Variants in DOCK2 observed in about 807,000 individuals in gnomAD.
DOCK2 encodes dedicator of cytokinesis protein 2.
Under a neutral mutation model 248.9 loss-of-function variants are expected in DOCK2, and 87 were observed. The ratio of observed to expected loss-of-function variants is 0.35; its 90% CI spans 0.29 to 0.42. DOCK2 has a LOEUF of 0.42. DOCK2 is among the 10% of genes least tolerant of loss of function. DOCK2 has a pLI of 1.00. For synonymous variants in DOCK2, 805 were observed against 821.6 expected (o/e 0.98, Z 0.35); for missense variants, 1,747 against 2,300.2 (o/e 0.76, Z 4.92).
intron 26 of DOCK2, among the ~76,000 whole-genome samples, chr5:169,827,928 G>A (rs929952785): frequency 6.6e-6 from 1 of 152,128 alleles, no homozygotes; most frequent in Non-Finnish European, 1.5e-5. Flanking sequence ...CTCTGTTGGC[G>A]GGGGTGGGTG....
In DOCK2 at chr5:170,082,952, G is replaced by T; in HGVS notation, c.*94G>T. On this transcript the variant is annotated 3_prime_UTR_variant, in exon 52 of 52. Coordinates refer to ENST00000520908, the MANE Select transcript of DOCK2 (RefSeq NM_004946.3). ...GGAACATCGAAGCCTCAGAGAGTGG[G>T]AGACTGTCCCCATCAGTTGTCCTTA... The T allele has an allele frequency of 6.6e-7, 1 of 1,517,916 alleles. No individual in the cohort carries two copies. The highest frequency in any genetic ancestry group is 9.1e-7 in the Non-Finnish European group (1 of 1,100,478). 94.0% of individuals were successfully genotyped at this position (1,517,916 alleles called of 1,614,324 possible).
intron 25 of DOCK2, among the ~76,000 whole-genome samples, chr5:169,792,767 C>A (rs1339282084): frequency 1.3e-5 from 2 of 152,186 alleles, no homozygotes; most frequent in Non-Finnish European, 2.9e-5. Context: ...TGTGGCACTG[C>A]AAATGTAATC....
At chr5:169,912,413 G>A (rs529610720) in intron 27 of DOCK2, among the ~76,000 whole-genome samples, 5 of 152,078 alleles carry the variant, frequency 3.3e-5, no homozygotes, top group African/African-American at 1.2e-4. Context: ...CTCTACTTGC[G>A]AAGGGTCTTT....
intron 27 of DOCK2, among the ~76,000 whole-genome samples, chr5:169,859,256 T>C (rs1187018198): frequency 6.6e-6 from 1 of 152,078 alleles, no homozygotes; most frequent in Admixed American, 6.6e-5. Flanking sequence ...CAGAGAGAAA[T>C]TAGACATTTG....
chr5:169,850,262 A>T (rs1484599248), intron 27 of DOCK2, among the ~76,000 whole-genome samples: 1 of 152,218 alleles, frequency 6.6e-6, no homozygotes. Context: ...GGAAATGGCC[A>T]TTAGAGAGCT....
At chr5:169,925,866 G>T (rs1379073211) in intron 27 of DOCK2, among the ~76,000 whole-genome samples, 1 of 152,088 alleles carries the variant, frequency 6.6e-6, no homozygotes, top group African/African-American at 2.4e-5. Flanking sequence ...TGGTTCCCTG[G>T]GGAGAAGATG....
At chr5:169,670,070 A>G (rs1399310771) in intron 3 of DOCK2, among the ~76,000 whole-genome samples, 1 of 152,204 alleles carries the variant, frequency 6.6e-6, no homozygotes, top group Non-Finnish European at 1.5e-5. Flanking sequence ...TGCACCTAGG[A>G]ACATTGTTGC....
intron 27 of DOCK2, among the ~76,000 whole-genome samples, chr5:169,956,864 A>T (rs111927234): frequency 3.3e-5 from 5 of 152,302 alleles, no homozygotes; most frequent in African/African-American, 1.2e-4. Context: ...TGCATCAAAT[A>T]TAAGGAAAAT....
chr5:169,637,392 G>T (rs1303241062), intron 1 of DOCK2, 23 bp downstream of exon 1: 8 of 1,373,528 alleles, frequency 5.8e-6, no homozygotes, highest in Non-Finnish European at 7.5e-6. Flanking sequence ...CCCAGGGCGC[G>T]GCAGGGAGCG....
intron 27 of DOCK2, among the ~76,000 whole-genome samples, chr5:169,901,468 G>C (rs1773920338): frequency 6.6e-6 from 1 of 152,022 alleles, no homozygotes; most frequent in Non-Finnish European, 1.5e-5. Flanking sequence ...TAGGAGAGAG[G>C]TATATTAACA....
rs868301808 is a variant in DOCK2 at position 170,071,398 on chromosome 5, A to G, written c.4728+2178A>G. On this transcript the variant is annotated intron_variant, in intron 46 of 51. Coordinates refer to ENST00000520908, the MANE Select transcript of DOCK2 (RefSeq NM_004946.3). ...TAAAACACGAGAAGGTTAGATTTCA[A>G]GGGGAGTGAATGTATTTGTACCTCT... 2.3e-4 allele frequency among the ~76,000 whole-genome samples: 35 copies of G among 152,364 alleles called. No homozygotes were observed. The Middle Eastern group carries it at 0.017, about 74-fold the overall frequency.
At chr5:170,027,033 C>G (rs1755942533) in intron 33 of DOCK2, among the ~76,000 whole-genome samples, 1 of 149,630 alleles carries the variant, frequency 6.7e-6, no homozygotes, top group Admixed American at 6.7e-5. Context: ...GGCATCAGGT[C>G]TCTGTCTCTC....
At chr5:169,690,551 C>A (rs1760237715) in intron 9 of DOCK2, among the ~76,000 whole-genome samples, 1 of 152,168 alleles carries the variant, frequency 6.6e-6, no homozygotes, top group African/African-American at 2.4e-5. Flanking sequence ...GTCCTAATTG[C>A]TTAGGCAAAG....
chr5:169,706,111 C>T (rs898631939), intron 14 of DOCK2, among the ~76,000 whole-genome samples: 32 of 152,254 alleles, frequency 2.1e-4, no homozygotes, highest in African/African-American at 6.3e-4. Context: ...AGGCCTATGG[C>T]ACTATCTTTG....
chr5:169,976,457 C>T (rs948603391), intron 27 of DOCK2, among the ~76,000 whole-genome samples: 5 of 151,842 alleles, frequency 3.3e-5, no homozygotes, highest in South Asian at 2.1e-4. Context: ...ACTTGGTGGT[C>T]GCTATTGAGA....
chr5:169,687,106 G>A (rs1420601812), intron 8 of DOCK2, among the ~76,000 whole-genome samples: 2 of 152,114 alleles, frequency 1.3e-5, no homozygotes. Flanking sequence ...GGTGCTTGCT[G>A]TTTAGACGTA....
At chr5:169,669,424 G>A (rs1289378949) in intron 3 of DOCK2, 96 bp downstream of exon 3, 4 of 1,371,236 alleles carry the variant, frequency 2.9e-6, no homozygotes, top group Admixed American at 1.7e-5. Context: ...TTGCTCCTCA[G>A]CAAAGGGAAT....
At chr5:169,662,408 G>A (rs1242435594) in intron 2 of DOCK2, among the ~76,000 whole-genome samples, 3 of 152,034 alleles carry the variant, frequency 2.0e-5, no homozygotes, top group African/African-American at 7.2e-5. Context: ...TAATTCACAG[G>A]TTTTTGTTTC....
chr5:169,761,480 C>T (rs751179385), intron 24 of DOCK2, 39 bp from the exon 25 acceptor site: 1 of 1,538,690 alleles, frequency 6.5e-7, no homozygotes, highest in East Asian at 2.2e-5. Flanking sequence ...AGACATGGGT[C>T]TGCCTTGCTC....
Sources: gnomAD v4.1 joint callset for allele counts (sites outside exome capture counted in the v4.1 genomes callset) on GRCh38, gnomAD v4.1.1 for gene constraint, MANE v1.5 for transcripts, NCBI Gene and HGNC (gene_info 2026-07-23, HGNC 2026-07-21) for gene names.